The following TBC1D5 variants were observed in gnomAD, a reference collection of about 807,000 sequenced individuals.
TBC1D5 encodes TBC1 domain family member 5.
A neutral mutation model predicts 100.3 loss-of-function variants in TBC1D5; 75 were observed. The observed-to-expected ratio is 0.75, with a 90% CI of 0.62 to 0.91. The LOEUF is 0.91. Ranked by LOEUF, TBC1D5 falls within the 40% of genes least tolerant of loss-of-function variation. TBC1D5 has a pLI of 0.00. For missense variants in TBC1D5, 910 were observed against 942.4 expected, an observed-to-expected ratio of 0.97 and a Z score of 0.45; for synonymous variants, 323 against 325.6, an observed-to-expected ratio of 0.99 and a Z score of 0.09.
At chr3:17,389,277 C>G (rs1412220034) in intron 8 of TBC1D5, among the ~76,000 whole-genome samples, 2 of 152,080 alleles carry the variant, frequency 1.3e-5, no homozygotes, top group Non-Finnish European at 2.9e-5. Flanking sequence ...TTCAAGTTTT[C>G]AACAAGATTC....
At chr3:17,601,730 C>A (rs1323567719) in intron 2 of TBC1D5, among the ~76,000 whole-genome samples, 1 of 152,152 alleles carries the variant, frequency 6.6e-6, no homozygotes, top group Non-Finnish European at 1.5e-5. Flanking sequence ...GAAAACCCCA[C>A]GTTATTATTA....
intron 2 of TBC1D5, among the ~76,000 whole-genome samples, chr3:17,603,153 T>C (rs1316555516): frequency 6.7e-6 from 1 of 148,340 alleles, no homozygotes; most frequent in Non-Finnish European, 1.5e-5. Flanking sequence ...TTAAGTTTTT[T>C]GGTTTTTTTT....
rs1253588514 is a variant in TBC1D5, at chr3:17,405,659, G to C, written c.277-698C>G. ...AGCAGGTCTCCTGCCTTTAATGCCT[G>C]CATCTAAAAGAAGAAAAGTGTATTT... On this transcript the variant is annotated intron_variant, in intron 5 of 21. Transcript: ENST00000253692. Among the ~76,000 whole-genome samples the C allele has an allele frequency of 2.6e-5, 4 of 151,998 alleles. No individual in the cohort carries two copies. In the East Asian group the frequency reaches 7.7e-4, roughly 29 times the overall value.
At chr3:17,380,818 T>A (rs1340783856) in intron 9 of TBC1D5, among the ~76,000 whole-genome samples, 1 of 152,060 alleles carries the variant, frequency 6.6e-6, no homozygotes, top group Non-Finnish European at 1.5e-5. Context: ...ATTTATATAA[T>A]CTCTGCAATT....
chr3:17,564,004 G>T (rs534539649), intron 2 of TBC1D5, among the ~76,000 whole-genome samples: 11 of 152,236 alleles, frequency 7.2e-5, no homozygotes, highest in Non-Finnish European at 1.6e-4. Flanking sequence ...GGATGGTCTC[G>T]ATCTCCTGAC....
At chr3:17,677,340 A>T (rs1342976030) in intron 1 of TBC1D5, among the ~76,000 whole-genome samples, 1 of 152,254 alleles carries the variant, frequency 6.6e-6, no homozygotes, top group Non-Finnish European at 1.5e-5. Context: ...TGGGTGAAGG[A>T]TGTGAAAAGA....
intron 3 of TBC1D5, among the ~76,000 whole-genome samples, chr3:17,477,607 G>A (rs374563988): frequency 3.3e-5 from 5 of 151,790 alleles, no homozygotes; most frequent in Admixed American, 1.3e-4. Context: ...TTGTATGTCC[G>A]TTATAAAAAT....
At chr3:17,696,619 C>G (rs972319843) in intron 1 of TBC1D5, among the ~76,000 whole-genome samples, 1 of 152,046 alleles carries the variant, frequency 6.6e-6, no homozygotes, top group Non-Finnish European at 1.5e-5. Flanking sequence ...TAACAGCCTA[C>G]CAACCAAAAA....
intron 19 of TBC1D5, among the ~76,000 whole-genome samples, chr3:17,183,399 T>C (rs1252023116): frequency 2.6e-5 from 4 of 152,232 alleles, no homozygotes; most frequent in East Asian, 1.9e-4. Flanking sequence ...CTCTTGTTAA[T>C]TGGACTCTGC....
At chr3:17,680,002 C>T (rs1359164994) in intron 1 of TBC1D5, among the ~76,000 whole-genome samples, 1 of 151,342 alleles carries the variant, frequency 6.6e-6, no homozygotes, top group Admixed American at 6.6e-5. Flanking sequence ...CAGCACCAAC[C>T]TTGTTTGAAA....
chr3:17,706,276 A>G (rs1344987953), intron 1 of TBC1D5: 1 of 1,546,374 alleles, frequency 6.5e-7, no homozygotes, highest in Non-Finnish European at 8.7e-7. Context: ...TCAGCTCTAA[A>G]GAGTTGAACT....
At chr3:17,547,263 A>C (rs2096426533) in intron 2 of TBC1D5, among the ~76,000 whole-genome samples, 1 of 151,738 alleles carries the variant, frequency 6.6e-6, no homozygotes, top group Admixed American at 6.5e-5. Flanking sequence ...TCAAATATTT[A>C]ATAAGGTTAC....
chr3:17,469,166 A>T (rs2095343601), intron 3 of TBC1D5, among the ~76,000 whole-genome samples: 1 of 152,234 alleles, frequency 6.6e-6, no homozygotes, highest in African/African-American at 2.4e-5. Flanking sequence ...ACTGAAAAAA[A>T]AATTATTAAA....
chr3:17,632,494 T>C (rs2063582570), intron 1 of TBC1D5, among the ~76,000 whole-genome samples: 1 of 152,152 alleles, frequency 6.6e-6, no homozygotes, highest in African/African-American at 2.4e-5. Flanking sequence ...TTGAAAGAAG[T>C]AGTTCTATTG....
At chr3:17,670,764 C>G (rs2067849257) in intron 1 of TBC1D5, among the ~76,000 whole-genome samples, 1 of 152,166 alleles carries the variant, frequency 6.6e-6, no homozygotes, top group Non-Finnish European at 1.5e-5. Context: ...TTCCAGATTC[C>G]TGGCCATGTC....
chr3:17,709,047 T>C (rs1320963241), intron 1 of TBC1D5, among the ~76,000 whole-genome samples: 2 of 152,198 alleles, frequency 1.3e-5, no homozygotes, highest in African/African-American at 4.8e-5. Flanking sequence ...CCTTTTTTCT[T>C]GGCATACATG....
intron 7 of TBC1D5, 74 bp from the exon 8 acceptor site, chr3:17,403,322 G>A (rs930652954): frequency 4.9e-6 from 5 of 1,014,064 alleles, no homozygotes; most frequent in Admixed American, 3.2e-5. Context: ...ATTTAATAAT[G>A]TAAATGGTTA....
chr3:17,507,615 C>T (rs1288739607), intron 3 of TBC1D5, among the ~76,000 whole-genome samples: 2 of 152,092 alleles, frequency 1.3e-5, no homozygotes, highest in African/African-American at 4.8e-5. Flanking sequence ...AAATAACACA[C>T]ATGATTTACT....
chr3:17,288,408 G>C (rs1243154953), intron 15 of TBC1D5, among the ~76,000 whole-genome samples: 3 of 152,144 alleles, frequency 2.0e-5, no homozygotes, highest in Non-Finnish European at 4.4e-5. Flanking sequence ...TTAAAGCCTA[G>C]CTACAAGTCC....
Sources: gnomAD v4.1 joint callset for allele counts (sites outside exome capture counted in the v4.1 genomes callset) on GRCh38, gnomAD v4.1.1 for gene constraint, MANE v1.5 for transcripts, NCBI Gene and HGNC (gene_info 2026-07-23, HGNC 2026-07-21) for gene names.